SLC25A26: variants seen among roughly 807,000 people sequenced by gnomAD.
SLC25A26 encodes solute carrier family 25 member 26, also known as mitochondrial S-adenosylmethionine carrier protein.
A neutral mutation model predicts 37.8 loss-of-function variants in SLC25A26; 36 were observed. That is an observed-to-expected ratio of 0.95 (90% CI 0.73 to 1.26). The LOEUF is 1.26. SLC25A26 is among the 50% of genes most tolerant of loss of function. SLC25A26 has a pLI of 0.00. For synonymous variants in SLC25A26, 129 were observed against 122.5 expected, an observed-to-expected ratio of 1.05 and a Z score of -0.35; for missense variants, 390 against 331.1, an observed-to-expected ratio of 1.18 and a Z score of -1.38.
At chr3:66,366,802 T>C (rs1465426734) in intron 7 of SLC25A26, among the ~76,000 whole-genome samples, 2 of 152,206 alleles carry the variant, frequency 1.3e-5, no homozygotes, top group Non-Finnish European at 2.9e-5. Context: ...AGTCATTATG[T>C]AGTGGAACGA....
chr3:66,271,524 C>T (rs1014780908), intron 5 of SLC25A26, among the ~76,000 whole-genome samples: 6 of 152,070 alleles, frequency 3.9e-5, no homozygotes, highest in East Asian at 1.9e-4. Context: ...TTGTTTATCT[C>T]GAAAACAAAA....
At chr3:66,319,233 C>T (rs1019186135) in intron 5 of SLC25A26, among the ~76,000 whole-genome samples, 2 of 148,056 alleles carry the variant, frequency 1.4e-5, no homozygotes, top group African/African-American at 4.9e-5. Flanking sequence ...ATATTAGGAG[C>T]CTCATTATAT....
At chr3:66,180,848 A>T (rs2070690354) in intron 1 of SLC25A26, among the ~76,000 whole-genome samples, 1 of 152,130 alleles carries the variant, frequency 6.6e-6, no homozygotes, top group Non-Finnish European at 1.5e-5. Flanking sequence ...GTGTGACTGT[A>T]TTTGGAGACA....
At chr3:66,167,227 GC>G (rs2070437078) in intron 1 of SLC25A26, among the ~76,000 whole-genome samples, 1 of 152,194 alleles carries the variant, frequency 6.6e-6, no homozygotes, top group Non-Finnish European at 1.5e-5. Flanking sequence ...AGGGTACATG[GC>G]CAAAGTAGGG....
rs557052555 is a variant in SLC25A26, at chr3:66,265,282, G to C, written c.453+1903G>C. Among the ~76,000 whole-genome samples, 3 of 152,156 alleles carry C rather than the reference G, an allele frequency of 2.0e-5. No homozygotes were observed. The East Asian group carries it at 5.8e-4, about 29-fold the overall frequency. On this transcript the variant is annotated intron_variant, in intron 5 of 9. Coordinates refer to ENST00000354883, the MANE Select transcript of SLC25A26 (RefSeq NM_001379210.1). The stretch of plus-strand genomic sequence containing the variant: ...TGATTGTGCCACTGCACTCCAGCCT[G>C]GGTGACAGAGAGACCCTGTCTCAAA...
intron 6 of SLC25A26, among the ~76,000 whole-genome samples, chr3:66,358,498 G>A (rs781220116): frequency 2.0e-5 from 3 of 152,210 alleles, no homozygotes; most frequent in Non-Finnish European, 4.4e-5. Context: ...TGGAAGTAAA[G>A]TGTCTCATGA....
At chr3:66,313,208 G>T (rs766215284) in intron 5 of SLC25A26, among the ~76,000 whole-genome samples, 3 of 152,156 alleles carry the variant, frequency 2.0e-5, no homozygotes, top group Non-Finnish European at 2.9e-5. Context: ...GCCTGTGCCT[G>T]TGTCCTCAAT....
chr3:66,249,549 G>T (rs2072997161), intron 3 of SLC25A26, among the ~76,000 whole-genome samples: 1 of 152,224 alleles, frequency 6.6e-6, no homozygotes, highest in South Asian at 2.1e-4. Flanking sequence ...TATTCTTCAT[G>T]ATCTTCACTG....
At chr3:66,156,696 A>G (rs1310256257) in intron 1 of SLC25A26, among the ~76,000 whole-genome samples, 1 of 152,074 alleles carries the variant, frequency 6.6e-6, no homozygotes, top group Non-Finnish European at 1.5e-5. Context: ...CACCCTTTGT[A>G]ACTCTTTTTT....
intron 3 of SLC25A26, among the ~76,000 whole-genome samples, chr3:66,247,861 C>T: frequency 6.6e-6 from 1 of 151,790 alleles, no homozygotes; most frequent in Admixed American, 6.6e-5. Context: ...AGTATGGTTG[C>T]CAAGATTAAG....
intron 5 of SLC25A26, among the ~76,000 whole-genome samples, chr3:66,285,661 T>C (rs2074487397): frequency 6.6e-6 from 1 of 151,570 alleles, no homozygotes; most frequent in African/African-American, 2.4e-5. Context: ...GGTTTTACCC[T>C]GTTAGCAAGG....
intron 1 of SLC25A26, among the ~76,000 whole-genome samples, chr3:66,135,060 A>G (rs1329894068): frequency 1.3e-5 from 2 of 151,816 alleles, no homozygotes; most frequent in Non-Finnish European, 2.9e-5. Context: ...CGAACTCCTG[A>G]CCCCAGGTGA....
intron 1 of SLC25A26, among the ~76,000 whole-genome samples, chr3:66,208,171 G>C (rs2071205079): frequency 6.6e-6 from 1 of 151,362 alleles, no homozygotes; most frequent in Non-Finnish European, 1.5e-5. Flanking sequence ...TAAAAATCTA[G>C]ATTTTTTTTA....
chr3:66,171,935 C>T (rs1419994684), intron 1 of SLC25A26, among the ~76,000 whole-genome samples: 1 of 152,196 alleles, frequency 6.6e-6, no homozygotes, highest in Non-Finnish European at 1.5e-5. Flanking sequence ...TTCCTTACCC[C>T]CTTTCCTGTA....
chr3:66,150,195 CT>C (rs1248123113), intron 1 of SLC25A26, among the ~76,000 whole-genome samples: 1 of 151,898 alleles, frequency 6.6e-6, no homozygotes, highest in Non-Finnish European at 1.5e-5. Context: ...AAAGTATTAA[CT>C]TTAAAAAATA....
At chr3:66,229,730 C>G (rs1215195827) in intron 1 of SLC25A26, among the ~76,000 whole-genome samples, 1 of 152,088 alleles carries the variant, frequency 6.6e-6, no homozygotes, top group African/African-American at 2.4e-5. Context: ...AAGTTGAAAC[C>G]GAAGCTAAAT....
chr3:66,275,725 A>G (rs1393262498), intron 5 of SLC25A26, among the ~76,000 whole-genome samples: 1 of 152,068 alleles, frequency 6.6e-6, no homozygotes, highest in African/African-American at 2.4e-5. Flanking sequence ...TTTTCTTATC[A>G]TATTTACTGC....
intron 9 of SLC25A26, among the ~76,000 whole-genome samples, chr3:66,376,543 G>A (rs1700657958): frequency 6.6e-6 from 1 of 152,138 alleles, no homozygotes; most frequent in Non-Finnish European, 1.5e-5. Context: ...GCATTTTTTA[G>A]CAATAAAGCA....
chr3:66,255,356 T>C (rs1432732729), intron 3 of SLC25A26, among the ~76,000 whole-genome samples: 1 of 152,154 alleles, frequency 6.6e-6, no homozygotes, highest in Non-Finnish European at 1.5e-5. Flanking sequence ...AGAAAATATT[T>C]TATTTATGCC....
Sources: gnomAD v4.1 joint callset for allele counts (sites outside exome capture counted in the v4.1 genomes callset) on GRCh38, gnomAD v4.1.1 for gene constraint, MANE v1.5 for transcripts, NCBI Gene and HGNC (gene_info 2026-07-23, HGNC 2026-07-21) for gene names.